The following POFUT3 variants were observed in gnomAD, a reference collection of about 807,000 sequenced individuals.
The protein encoded by POFUT3 is GDP-fucose protein O-fucosyltransferase 3.
At chr8:33,394,686 AC>A in the POFUT3 span, among the ~76,000 whole-genome samples, 356 of 152,044 alleles carry the variant, frequency 2.3e-3, 1 homozygote, top group African/African-American at 7.3e-3. Context: ...AAAAAAAAAA[AC>A]ATCTCCACCT....
the POFUT3 span, among the ~76,000 whole-genome samples, chr8:33,308,246 C>G: frequency 6.6e-6 from 1 of 152,020 alleles, no homozygotes; most frequent in East Asian, 1.9e-4. Context: ...TGCAAAATAA[C>G]AAAACAAACA....
At chr8:33,308,945 C>T in the POFUT3 span, among the ~76,000 whole-genome samples, 5 of 148,812 alleles carry the variant, frequency 3.4e-5, no homozygotes, top group South Asian at 2.1e-4. Context: ...CTCTGGAGCC[C>T]AGGCTGTTGC....
At chr8:33,439,633 G>A in the POFUT3 span, among the ~76,000 whole-genome samples, 108 of 150,816 alleles carry the variant, frequency 7.2e-4, no homozygotes, top group African/African-American at 2.6e-3. Flanking sequence ...TTTGGGAGGC[G>A]GAGGTGGGTG....
chr8:33,440,057 T>C, the POFUT3 span, among the ~76,000 whole-genome samples: 9 of 151,438 alleles, frequency 5.9e-5, no homozygotes, highest in Non-Finnish European at 1.3e-4. Flanking sequence ...GCCTCCCTGA[T>C]CACTCTGTCT....
the POFUT3 span, among the ~76,000 whole-genome samples, chr8:33,406,255 C>T: frequency 6.6e-6 from 1 of 151,660 alleles, no homozygotes; most frequent in Non-Finnish European, 1.5e-5. Context: ...TCTTCAAAAT[C>T]CACTTAAATG....
At chr8:33,366,115 G>A in the POFUT3 span, among the ~76,000 whole-genome samples, 2 of 152,184 alleles carry the variant, frequency 1.3e-5, no homozygotes, top group African/African-American at 4.8e-5. Flanking sequence ...CAGGGACATG[G>A]ACAAAGCTGG....
At chr8:33,436,994 A>T in the POFUT3 span, among the ~76,000 whole-genome samples, 2 of 152,100 alleles carry the variant, frequency 1.3e-5, no homozygotes, top group African/African-American at 4.8e-5. Context: ...GTTACCACTT[A>T]TAAGAGAGAA....
chr8:33,404,352 AG>A, the POFUT3 span, among the ~76,000 whole-genome samples: 64 of 148,540 alleles, frequency 4.3e-4, 1 homozygote, highest in African/African-American at 1.4e-3. Context: ...AAAAAAAAAA[AG>A]AAAAAGAAAA....
the POFUT3 span, among the ~76,000 whole-genome samples, chr8:33,381,671 C>CACT: frequency 6.6e-6 from 1 of 152,116 alleles, no homozygotes; most frequent in Non-Finnish European, 1.5e-5. Context: ...GCATTTGTTA[C>CACT]GAGTTCATCA....
chr8:33,453,451 A>G, the POFUT3 span: 4 of 1,613,918 alleles, frequency 2.5e-6, no homozygotes, highest in Non-Finnish European at 3.4e-6. Context: ...TTGTATGTCC[A>G]TCTTGCAAAC....
the POFUT3 span, among the ~76,000 whole-genome samples, chr8:33,335,149 A>ATGTG: frequency 4.5e-5 from 5 of 110,624 alleles, no homozygotes; most frequent in African/African-American, 1.9e-4. Context: ...AAAAAGAAAT[A>ATGTG]TATGTGTGTG....
the POFUT3 span, among the ~76,000 whole-genome samples, chr8:33,449,960 C>G: frequency 1.9e-5 from 2 of 106,880 alleles, no homozygotes; most frequent in Admixed American, 1.2e-4. Context: ...TTTTTTGAGA[C>G]AGGGTCTCAC....
At chr8:33,445,256 A>G in the POFUT3 span, among the ~76,000 whole-genome samples, 1 of 152,024 alleles carries the variant, frequency 6.6e-6, no homozygotes, top group African/African-American at 2.4e-5. Flanking sequence ...TTTATGTCCA[A>G]CTTTATTACT....
the POFUT3 span, among the ~76,000 whole-genome samples, chr8:33,357,153 A>G: frequency 6.6e-6 from 1 of 152,108 alleles, no homozygotes; most frequent in South Asian, 2.1e-4. Context: ...TTGGTGATGC[A>G]GGCTCTTTTT....
At chr8:33,427,289 A>C in the POFUT3 span, among the ~76,000 whole-genome samples, 3 of 151,792 alleles carry the variant, frequency 2.0e-5, no homozygotes, top group East Asian at 5.8e-4. Flanking sequence ...AAACAAAAAC[A>C]AAAAAGGGCC....
chr8:33,380,817 A>G, the POFUT3 span, among the ~76,000 whole-genome samples: 1 of 147,330 alleles, frequency 6.8e-6, no homozygotes, highest in Non-Finnish European at 1.5e-5. Flanking sequence ...AGCCTGGGTG[A>G]TAGAATGAGA....
At chr8:33,330,040 G>A in the POFUT3 span, among the ~76,000 whole-genome samples, 97 of 152,156 alleles carry the variant, frequency 6.4e-4, no homozygotes, top group Non-Finnish European at 1.2e-3. Flanking sequence ...TTAGAGGGTG[G>A]ACAATGCTTT....
chr8:33,365,045 T>C, the POFUT3 span, among the ~76,000 whole-genome samples: 6 of 152,322 alleles, frequency 3.9e-5, no homozygotes, highest in Non-Finnish European at 7.3e-5. Flanking sequence ...AGCATGGTAC[T>C]GGTACCAAAA....
chr8:33,368,210 T>G, the POFUT3 span, among the ~76,000 whole-genome samples: 1 of 152,268 alleles, frequency 6.6e-6, no homozygotes, highest in African/African-American at 2.4e-5. Context: ...TGGTCATGAC[T>G]GGTCATATCC....
Sources: allele counts gnomAD v4.1 joint callset (sites outside exome capture counted in the v4.1 genomes callset), GRCh38; gene constraint gnomAD v4.1.1; transcripts MANE v1.5; gene names NCBI Gene and HGNC (gene_info 2026-07-23, HGNC 2026-07-21).